DENND5B: variants seen among roughly 807,000 people sequenced by gnomAD.
DENND5B encodes the protein DENN domain containing 5B.
A neutral mutation model predicts 140.6 loss-of-function variants in DENND5B; 34 were observed. The ratio of observed to expected loss-of-function variants is 0.24; its 90% CI spans 0.18 to 0.32. The LOEUF (loss-of-function observed/expected upper bound fraction) is 0.32. DENND5B is among the 10% of genes least tolerant of loss of function. DENND5B has a pLI of 1.00. For synonymous variants in DENND5B, 551 were observed against 562.1 expected, an observed-to-expected ratio of 0.98 and a Z score of 0.28; for missense variants, 1,142 against 1,560.2, an observed-to-expected ratio of 0.73 and a Z score of 4.52.
intron 4 of DENND5B, among the ~76,000 whole-genome samples, chr12:31,453,794 G>C (rs1350889534): frequency 6.6e-6 from 1 of 152,104 alleles, no homozygotes; most frequent in East Asian, 1.9e-4. Flanking sequence ...TGCTCTTCAT[G>C]TTAGATACCA....
intron 2 of DENND5B, among the ~76,000 whole-genome samples, chr12:31,480,755 A>C (rs1405685084): frequency 6.6e-6 from 1 of 152,160 alleles, no homozygotes; most frequent in Non-Finnish European, 1.5e-5. Flanking sequence ...AGTTAAACAA[A>C]GAATAATAAA....
intron 11 of DENND5B, chr12:31,420,063 T>A: frequency 1.0e-6 from 1 of 984,864 alleles, no homozygotes; most frequent in Non-Finnish European, 1.2e-6. Context: ...CCAAAATCCA[T>A]TTCCAGTTTA....
At chr12:31,586,174 TATAAA>T (rs1383888705) in intron 1 of DENND5B, among the ~76,000 whole-genome samples, 2 of 152,182 alleles carry the variant, frequency 1.3e-5, no homozygotes, top group Admixed American at 1.3e-4. Flanking sequence ...AAATAAAAGC[TATAAA>T]ATAAGATTTC....
intron 1 of DENND5B, among the ~76,000 whole-genome samples, chr12:31,505,204 C>G (rs573935140): frequency 2.0e-5 from 3 of 150,072 alleles, no homozygotes; most frequent in African/African-American, 7.4e-5. Context: ...TTTAAATACA[C>G]GAGTACAGTT....
At chr12:31,421,558 C>T (rs199815303) in intron 11 of DENND5B, among the ~76,000 whole-genome samples, 2,461 of 60,862 alleles carry the variant, frequency 0.04, 72 homozygotes, top group African/African-American at 0.094. Flanking sequence ...TATAAATATA[C>T]ATCTTTTCTG....
intron 7 of DENND5B, among the ~76,000 whole-genome samples, chr12:31,439,013 A>G (rs1289125320): frequency 6.6e-6 from 1 of 152,252 alleles, no homozygotes. Context: ...TTTTATTTTC[A>G]AAACAGGGAA....
intron 1 of DENND5B, among the ~76,000 whole-genome samples, chr12:31,547,053 T>C (rs1421077167): frequency 6.6e-6 from 1 of 152,220 alleles, no homozygotes; most frequent in Admixed American, 6.5e-5. Flanking sequence ...ATTACGCTTT[T>C]TTCCTCTAGA....
intron 1 of DENND5B, among the ~76,000 whole-genome samples, chr12:31,526,534 TAAATA>T (rs1948089877): frequency 6.6e-6 from 1 of 152,130 alleles, no homozygotes; most frequent in South Asian, 2.1e-4. Context: ...GAGGCATAAA[TAAATA>T]AAAGAAATAT....
chr12:31,460,545 A>G (rs1322366424), intron 3 of DENND5B, among the ~76,000 whole-genome samples, 164 bp from the exon 4 acceptor site: 1 of 152,216 alleles, frequency 6.6e-6, no homozygotes, highest in Non-Finnish European at 1.5e-5. Flanking sequence ...CTATAATTAA[A>G]GAATTAAATG....
chr12:31,495,414 T>G (rs1946722469), intron 2 of DENND5B, among the ~76,000 whole-genome samples: 1 of 103,774 alleles, frequency 9.6e-6, no homozygotes, highest in Non-Finnish European at 1.9e-5. Flanking sequence ...AGTCTCGCTC[T>G]GTTGCCCAGG....
intron 1 of DENND5B, among the ~76,000 whole-genome samples, chr12:31,496,435 C>T (rs1946763871): frequency 1.3e-5 from 2 of 152,168 alleles, no homozygotes; most frequent in African/African-American, 2.4e-5. Flanking sequence ...TTAGAAACAT[C>T]ATTGCTGAGT....
chr12:31,548,384 C>T (rs1223728329), intron 1 of DENND5B, among the ~76,000 whole-genome samples: 1 of 118,288 alleles, frequency 8.5e-6, no homozygotes, highest in Non-Finnish European at 1.7e-5. Context: ...ACATCTGTCT[C>T]AAAAAACAAA....
intron 4 of DENND5B, among the ~76,000 whole-genome samples, chr12:31,455,848 C>T (rs920053021): frequency 7.3e-5 from 11 of 151,688 alleles, no homozygotes; most frequent in African/African-American, 1.7e-4. Flanking sequence ...GGTGAAAGCC[C>T]GTCTCTACTA....
At chr12:31,437,819 C>T (rs1943846575) in intron 7 of DENND5B, among the ~76,000 whole-genome samples, 1 of 152,098 alleles carries the variant, frequency 6.6e-6, no homozygotes, top group Non-Finnish European at 1.5e-5. Context: ...AAAGGTATAA[C>T]ATTCTATAAA....
In DENND5B at chr12:31,387,470, G is replaced by A; in HGVS notation, c.*133C>T. 2.3e-6 allele frequency: 2 copies of A among 860,344 alleles called. 1 individual carries two copies. The highest frequency in any genetic ancestry group is 3.8e-5 in the South Asian group (2 of 52,432). 53.3% of individuals were successfully genotyped at this position (860,344 alleles called of 1,614,324 possible). ...AATACAACATTTTGCCTTGTCTGTA[G>A]AGTGAGGATTGTTCCAAATGGGGCA... is the stretch of plus-strand genomic sequence containing the variant. On this transcript the variant is annotated 3_prime_UTR_variant, in exon 21 of 21. Transcript: ENST00000389082.
At chr12:31,434,978 T>C (rs551071636) in intron 7 of DENND5B, among the ~76,000 whole-genome samples, 42 of 152,308 alleles carry the variant, frequency 2.8e-4, no homozygotes, top group African/African-American at 9.9e-4. Context: ...TTAAGACCCC[T>C]GGTGCTTTCT....
intron 15 of DENND5B, among the ~76,000 whole-genome samples, chr12:31,402,064 C>A (rs1941822872): frequency 8.3e-6 from 1 of 120,896 alleles, no homozygotes; most frequent in African/African-American, 2.8e-5. Context: ...GAGCAAGATT[C>A]CGTCTCAAAA....
rs1940903155 is a variant in DENND5B at position 31,387,510 on chromosome 12, C to T, written c.*93G>A. ...CAAATGGGGCATATGTTTGGCTGCC[C>T]CTGCAGTGACTCACTACTGTCAGAC... On this transcript the variant is annotated 3_prime_UTR_variant, in exon 21 of 21. Transcript: ENST00000389082. The T allele has an allele frequency of 7.3e-7, 1 of 1,366,530 alleles. No homozygotes were observed. The highest frequency in any genetic ancestry group is 1.4e-5 in the African/African-American group (1 of 69,976). The allele number at this position is 1,366,530 out of a possible 1,614,324, so 84.7% of individuals were successfully genotyped here.
chr12:31,497,151 G>A (rs1023314597), intron 1 of DENND5B, among the ~76,000 whole-genome samples: 1 of 150,762 alleles, frequency 6.6e-6, no homozygotes, highest in Non-Finnish European at 1.5e-5. Context: ...GCAGAAGGAC[G>A]AAAAAGTCAC....
Sources: allele counts gnomAD v4.1 joint callset (sites outside exome capture counted in the v4.1 genomes callset), GRCh38; gene constraint gnomAD v4.1.1; transcripts MANE v1.5; gene names NCBI Gene and HGNC (gene_info 2026-07-23, HGNC 2026-07-21).